Variants in NTMT1 observed in about 807,000 individuals in gnomAD.
NTMT1 encodes N-terminal Xaa-Pro-Lys N-methyltransferase 1.
In NTMT1, 8 loss-of-function variants were observed where a neutral mutation model predicts 17.5. That is an observed-to-expected ratio of 0.46 (90% CI 0.27 to 0.82). The LOEUF (loss-of-function observed/expected upper bound fraction) is 0.82, where lower values mean the gene tolerates loss of function less well. Among genes scored for constraint, NTMT1 ranks in the 40% least tolerant of loss-of-function variants. NTMT1 has a pLI of 0.15. For synonymous variants in NTMT1, 128 were observed against 126.8 expected (o/e 1.01, Z -0.06); for missense variants, 221 against 303.5 (o/e 0.73, Z 2.02).
chr9:129,612,538 C>T (rs1401589944), intron 1 of NTMT1: 16 of 1,053,920 alleles, frequency 1.5e-5, no homozygotes, highest in African/African-American at 3.2e-5. Flanking sequence ...TGTGCTGAAG[C>T]CCTGTTGGGC....
chr9:129,618,620 ATGGT>A (rs111684680), intron 1 of NTMT1, among the ~76,000 whole-genome samples: 2,771 of 152,260 alleles, frequency 0.018, 73 homozygotes, highest in East Asian at 0.064. Context: ...GGATTTGTAG[ATGGT>A]TGGTCATTGG....
chr9:129,629,441 A>T (rs564059038), intron 1 of NTMT1, among the ~76,000 whole-genome samples: 2 of 151,990 alleles, frequency 1.3e-5, no homozygotes, highest in South Asian at 4.1e-4. Flanking sequence ...CCCAGGCTGG[A>T]ATGCAGAGGC....
upstream of NTMT1, among the ~76,000 whole-genome samples, chr9:129,621,343 CTTG>C (rs1356481201): frequency 2.6e-5 from 4 of 152,210 alleles, no homozygotes; most frequent in South Asian, 2.1e-4. Context: ...GTTTGTTGTT[CTTG>C]TTGTTGTTGT....
intron 1 of NTMT1, among the ~76,000 whole-genome samples, chr9:129,616,812 C>T (rs1253117028): frequency 3.9e-5 from 6 of 152,200 alleles, no homozygotes; most frequent in Non-Finnish European, 8.8e-5. Flanking sequence ...GGTGTGGTGG[C>T]TCACGCCTGT....
rs555115473 is a variant in NTMT1, at chr9:129,635,332, C to T, written c.540C>T (p.Asp180=). Residue 180 remains aspartate (D), a synonymous_variant, in exon 4 of 4, where the codon GAC becomes GAT. Coordinates refer to ENST00000372483, the MANE Select transcript of NTMT1 (RefSeq NM_014064.4). ...AGGGCGTGATTCTGGACGACGTGGA[C>T]AGCAGCGTGTGCCGGGACCTTGACG... ...AQEGVILDDV[D]SSVCRDLDVV... The T allele has an allele frequency of 6.2e-7, 1 of 1,613,876 alleles. No homozygotes were observed. Among genetic ancestry groups the T allele is most frequent in the East Asian group, 2.2e-5 (1 of 44,876 alleles).
chr9:129,624,422 G>T (rs1203226054), upstream of NTMT1, among the ~76,000 whole-genome samples: 1 of 152,174 alleles, frequency 6.6e-6, no homozygotes, highest in Non-Finnish European at 1.5e-5. Context: ...GCTTGGGAGA[G>T]GGGCTCAGAC....
intron 3 of NTMT1, 93 bp downstream of exon 3, chr9:129,634,399 C>G: frequency 6.9e-7 from 1 of 1,453,312 alleles, no homozygotes; most frequent in Non-Finnish European, 9.3e-7. Context: ...TGCACTCCTG[C>G]AGCAAGTGGG....
intron 1 of NTMT1, among the ~76,000 whole-genome samples, chr9:129,627,987 C>T (rs1002222019): frequency 6.6e-6 from 1 of 152,206 alleles, no homozygotes; most frequent in Non-Finnish European, 1.5e-5. Context: ...AGGCAGCAGC[C>T]AGGTGACTGT....
chr9:129,635,631 G>C lies in NTMT1; in HGVS notation c.*167G>C. 1.2e-6 allele frequency: 1 copy of C among 839,032 alleles called. No individual in the cohort carries two copies. Among genetic ancestry groups the C allele is most frequent in the Non-Finnish European group, 1.9e-6 (1 of 536,606 alleles). 52.0% of individuals were successfully genotyped at this position (839,032 alleles called of 1,614,324 possible). The stretch of plus-strand genomic sequence containing the variant: ...GGGCTCTTCTTCAAAAGGCAAGGTG[G>C]GACCCGGCGGGGAGGGTGCTGCTGA... On this transcript the variant is annotated 3_prime_UTR_variant, in exon 4 of 4. Coordinates refer to ENST00000372483, the MANE Select transcript of NTMT1 (RefSeq NM_014064.4).
chr9:129,634,449 C>A, intron 3 of NTMT1, 143 bp downstream of exon 3: 1 of 873,882 alleles, frequency 1.1e-6, no homozygotes, highest in Non-Finnish European at 1.7e-6. Context: ...CCACCCCCAC[C>A]CCGTACTTCC....
intron 1 of NTMT1, among the ~76,000 whole-genome samples, chr9:129,630,770 G>T (rs1052290753): frequency 2.6e-5 from 4 of 152,262 alleles, no homozygotes; most frequent in African/African-American, 9.6e-5. Flanking sequence ...GAGGCGGTGA[G>T]CTGCAGCTCC....
chr9:129,617,018 G>A (rs1830423088), intron 1 of NTMT1, among the ~76,000 whole-genome samples: 1 of 151,924 alleles, frequency 6.6e-6, no homozygotes, highest in Non-Finnish European at 1.5e-5. Context: ...AGTGAGCCGA[G>A]ATCGTGCCAC....
chr9:129,632,781 G>A lies in NTMT1; in HGVS notation c.78G>A (p.Thr26=), dbSNP rs374990094. 3.7e-6 allele frequency: 6 copies of A among 1,614,186 alleles called. No homozygotes were observed. The highest frequency in any genetic ancestry group is 2.2e-5 in the East Asian group (1 of 44,882). The change falls in exon 2 of 4, where the codon ACG becomes ACA. Residue 26 remains threonine, a synonymous_variant. Coordinates refer to ENST00000372483, the MANE Select transcript of NTMT1 (RefSeq NM_014064.4). ...AKTYWKQIPP[T]VDGMLGGYGH... ...CCTACTGGAAACAAATCCCACCCAC[G>A]GTGGACGGCATGCTTGGGGGGTATG...
intron 1 of NTMT1, among the ~76,000 whole-genome samples, chr9:129,630,405 G>A (rs1831099608): frequency 6.6e-6 from 1 of 152,134 alleles, no homozygotes; most frequent in Non-Finnish European, 1.5e-5. Context: ...CTGTACTCAA[G>A]TCTGGCGACA....
At chr9:129,627,616 G>A (rs576470144) in intron 1 of NTMT1, among the ~76,000 whole-genome samples, 4 of 152,350 alleles carry the variant, frequency 2.6e-5, no homozygotes, top group African/African-American at 9.6e-5. Context: ...CACAGCAGGT[G>A]TGCAGAGCCA....
intron 1 of NTMT1, among the ~76,000 whole-genome samples, chr9:129,628,236 CCAA>C (rs1470801134): frequency 1.3e-5 from 2 of 152,206 alleles, no homozygotes; most frequent in African/African-American, 4.8e-5. Context: ...CTGCCCCACT[CCAA>C]TCTGGACACC....
chr9:129,610,218 AGG>A (rs1238947116), intron 1 of NTMT1, among the ~76,000 whole-genome samples: 18 of 14,222 alleles, frequency 1.3e-3, no homozygotes, highest in East Asian at 6.1e-3. Flanking sequence ...AGGGAGGGGG[AGG>A]GGAAAGGGGG....
chr9:129,630,437 A>C (rs1183418852), intron 1 of NTMT1, among the ~76,000 whole-genome samples: 1 of 152,202 alleles, frequency 6.6e-6, no homozygotes, highest in Non-Finnish European at 1.5e-5. Context: ...TCTAAAAAAA[A>C]AGAAGAAAAA....
intron 1 of NTMT1, among the ~76,000 whole-genome samples, chr9:129,617,332 G>T (rs1830441325): frequency 6.6e-6 from 1 of 152,208 alleles, no homozygotes; most frequent in South Asian, 2.1e-4. Context: ...TCTAACAGTT[G>T]TCTGCTCAGG....
Sources: gnomAD v4.1 joint callset for allele counts (sites outside exome capture counted in the v4.1 genomes callset) on GRCh38, gnomAD v4.1.1 for gene constraint, MANE v1.5 for transcripts, NCBI Gene and HGNC (gene_info 2026-07-23, HGNC 2026-07-21) for gene names.